Variants in ZNF280D observed in about 807,000 individuals in gnomAD.
ZNF280D encodes the protein zinc finger protein 280D, also known as suppressor of hairy wing homolog 4.
ZNF280D carries 39 observed loss-of-function variants against 94.7 expected under a neutral mutation model. That is an observed-to-expected ratio of 0.41 (90% CI 0.32 to 0.54). The LOEUF (loss-of-function observed/expected upper bound fraction) is 0.54, where lower values mean the gene tolerates loss of function less well. Ranked by LOEUF, ZNF280D falls within the 20% of genes least tolerant of loss-of-function variation. The pLI is 0.22. For missense variants in ZNF280D, 1,090 were observed against 1,149.3 expected (o/e 0.95, Z 0.75); for synonymous variants, 398 against 377.6 (o/e 1.05, Z -0.63).
At chr15:56,732,621 A>C (rs1413925481) in intron 1 of ZNF280D, 2 of 152,126 alleles carry the variant, frequency 1.3e-5, no homozygotes, top group African/African-American at 4.8e-5. Context: ...TTTTTTAACA[A>C]ATCTTCGCAA....
At chr15:56,685,938 T>C (rs1344350164) in intron 9 of ZNF280D, among the ~76,000 whole-genome samples, 2 of 152,128 alleles carry the variant, frequency 1.3e-5, no homozygotes, top group African/African-American at 2.4e-5. Flanking sequence ...TCAACTTTGC[T>C]AAAAGCAAAA....
chr15:56,711,961 T>C (rs2057782579), intron 1 of ZNF280D, among the ~76,000 whole-genome samples: 1 of 152,168 alleles, frequency 6.6e-6, no homozygotes, highest in Non-Finnish European at 1.5e-5. Flanking sequence ...CAGGCAATTA[T>C]AACACAAATC....
intron 16 of ZNF280D, among the ~76,000 whole-genome samples, chr15:56,663,181 C>A (rs113029680): frequency 6.7e-6 from 1 of 149,076 alleles, no homozygotes; most frequent in Non-Finnish European, 1.5e-5. Context: ...CTACTCAAGA[C>A]GCTGAGGTGG....
intron 20 of ZNF280D, among the ~76,000 whole-genome samples, chr15:56,637,411 C>A (rs1362961528): frequency 1.3e-5 from 2 of 151,908 alleles, no homozygotes; most frequent in South Asian, 4.2e-4. Flanking sequence ...AAACTCCCAG[C>A]CTCAAGGGAT....
chr15:56,654,073 T>TAA (rs571402426), intron 19 of ZNF280D, 125 bp downstream of exon 19: 145 of 1,217,190 alleles, frequency 1.2e-4, no homozygotes, highest in South Asian at 5.5e-4. Flanking sequence ...CAAGCAGCTT[T>TAA]AAAAAAAAAA....
At chr15:56,638,883 T>C (rs1337055018) in intron 20 of ZNF280D, among the ~76,000 whole-genome samples, 1 of 152,064 alleles carries the variant, frequency 6.6e-6, no homozygotes, top group Non-Finnish European at 1.5e-5. Context: ...TTCAAACACA[T>C]ACGGTTTTCA....
At position 56,693,081 on chromosome 15, in the gene ZNF280D, A is replaced by G; in HGVS notation, c.499+17T>C. ...GTTTCTTTCTATAACCTTTATGAAA[A>G]AAATACTAAAACCAACCTGCCATAG... On this transcript the variant is annotated intron_variant, in intron 7 of 21. Coordinates refer to ENST00000267807, the MANE Select transcript of ZNF280D (RefSeq NM_017661.4). 6.6e-7 allele frequency: 1 copy of G among 1,504,242 alleles called. No individual in the cohort carries two copies. The highest frequency in any genetic ancestry group is 9.2e-7 in the Non-Finnish European group (1 of 1,086,322). 93.2% of individuals were successfully genotyped at this position (1,504,242 alleles called of 1,614,324 possible).
At position 56,704,287 on chromosome 15, in the gene ZNF280D, A is replaced by T. The variant is rs369899958; in HGVS notation, c.29-20T>A. ...AATTACCTAATTTTCAAAAGGAGAG[A>T]AGTAAACCTCATTTTTGAAAATAAA... is the stretch of plus-strand genomic sequence containing the variant. On this transcript the variant is annotated intron_variant, in intron 3 of 21. Transcript: ENST00000267807. 2.0e-5 allele frequency: 31 copies of T among 1,587,064 alleles called. No homozygotes were observed. Among genetic ancestry groups the T allele is most frequent in the Middle Eastern group, 3.3e-4 (2 of 6,012 alleles).
chr15:56,653,337 C>G (rs535488687), intron 19 of ZNF280D: 2 of 1,255,160 alleles, frequency 1.6e-6, no homozygotes, highest in South Asian at 3.2e-5. Context: ...AAGCCAAAGC[C>G]CCCAGTGGGA....
At chr15:56,649,889 A>G (rs569709138) in intron 19 of ZNF280D, among the ~76,000 whole-genome samples, 2 of 152,228 alleles carry the variant, frequency 1.3e-5, no homozygotes, top group South Asian at 4.1e-4. Flanking sequence ...CTTACTGCTT[A>G]CATTTATGAA....
At chr15:56,678,914 T>C (rs572995569) in intron 10 of ZNF280D, 93 bp from the exon 11 acceptor site, 23 of 1,206,540 alleles carry the variant, frequency 1.9e-5, no homozygotes, top group African/African-American at 1.5e-4. Flanking sequence ...CTTAAAAATA[T>C]AGATGTATTA....
intron 1 of ZNF280D, among the ~76,000 whole-genome samples, chr15:56,710,623 G>C (rs574172639): frequency 1.3e-5 from 2 of 151,988 alleles, no homozygotes; most frequent in Admixed American, 6.6e-5. Flanking sequence ...TTTGGTTTCA[G>C]TTTTTATCTA....
chr15:56,704,042 A>T (rs2057251611), intron 4 of ZNF280D, 79 bp downstream of exon 4: 2 of 1,471,464 alleles, frequency 1.4e-6, no homozygotes, highest in Non-Finnish European at 1.9e-6. Context: ...AACATCAACT[A>T]CCTATTAAAC....
intron 1 of ZNF280D, among the ~76,000 whole-genome samples, chr15:56,715,751 G>C (rs958896642): frequency 1.2e-4 from 18 of 152,126 alleles, no homozygotes; most frequent in Admixed American, 9.8e-4. Flanking sequence ...ATAAATTGAA[G>C]ATGTACTGCT....
chr15:56,630,986 G>A lies in ZNF280D; in HGVS notation c.*512C>T, dbSNP rs1477642739. The stretch of plus-strand genomic sequence containing the variant: ...TAGATCAATTTAGTACTCTAAGCAT[G>A]CTCCATTTACCAGCATCATCCTCAC... On this transcript the variant is annotated 3_prime_UTR_variant, in exon 22 of 22. Coordinates refer to ENST00000267807, the MANE Select transcript of ZNF280D (RefSeq NM_017661.4). 6.4e-6 allele frequency: 1 copy of A among 155,882 alleles called. No individual in the cohort carries two copies. Among genetic ancestry groups the A allele is most frequent in the Admixed American group, 6.2e-5 (1 of 16,242 alleles). 9.7% of individuals were successfully genotyped at this position (155,882 alleles called of 1,614,324 possible).
chr15:56,640,016 G>A (rs1255860321), intron 20 of ZNF280D, among the ~76,000 whole-genome samples: 1 of 151,958 alleles, frequency 6.6e-6, no homozygotes, highest in Middle Eastern at 3.4e-3. Flanking sequence ...ATATTTGAGA[G>A]AGAAATTGCA....
rs201611250 is a variant in ZNF280D, at chr15:56,675,433, C to CT, written c.1410+1236dup. The stretch of plus-strand genomic sequence containing the variant: ...AAATGCACTAAGGGTGATGAAGATA[C>CT]TTTTTTTTTTTTATAACACTATGTT... On this transcript the variant is annotated intron_variant, in intron 13 of 21. Transcript: ENST00000267807. 1.4e-3 allele frequency among the ~76,000 whole-genome samples: 205 copies of CT among 147,052 alleles called. 1 individual carries two copies. The highest frequency in any genetic ancestry group is 7.0e-3 in the Middle Eastern group (2 of 286).
At chr15:56,720,500 G>T (rs1184871252) in intron 1 of ZNF280D, among the ~76,000 whole-genome samples, 1 of 151,960 alleles carries the variant, frequency 6.6e-6, no homozygotes. Flanking sequence ...TTGATATTTT[G>T]ACCTCCTCCA....
intron 3 of ZNF280D, among the ~76,000 whole-genome samples, chr15:56,705,036 G>C (rs1341070244): frequency 2.0e-5 from 3 of 151,762 alleles, no homozygotes; most frequent in Non-Finnish European, 2.9e-5. Flanking sequence ...TGCTAGAATA[G>C]AATATGGAAA....
Sources: allele counts gnomAD v4.1 joint callset (sites outside exome capture counted in the v4.1 genomes callset), GRCh38; gene constraint gnomAD v4.1.1; transcripts MANE v1.5; gene names NCBI Gene and HGNC (gene_info 2026-07-23, HGNC 2026-07-21).